Variants in CYP4F22 observed in about 807,000 individuals in gnomAD.
CYP4F22 encodes cytochrome P450 family 4 subfamily F member 22.
CYP4F22 carries 37 observed loss-of-function variants against 60.4 expected under a neutral mutation model. That is an observed-to-expected ratio of 0.61 (90% CI 0.47 to 0.81). The LOEUF (loss-of-function observed/expected upper bound fraction) is 0.81. Ranked by LOEUF, CYP4F22 falls within the 30% of genes least tolerant of loss-of-function variation. The pLI is 0.00. For missense variants in CYP4F22, 655 were observed against 715.0 expected (o/e 0.92, Z 0.96); for synonymous variants, 258 against 280.5 (o/e 0.92, Z 0.80).
At chr19:15,550,805 G>A (rs1971586336) in intron 13 of CYP4F22, 49 bp downstream of exon 13, 4 of 1,603,174 alleles carry the variant, frequency 2.5e-6, no homozygotes, top group Non-Finnish European at 2.6e-6. Context: ...AGGAACAGAG[G>A]CAGGGAAAGA....
chr19:15,515,553 C>A, intron 1 of CYP4F22: 1 of 560,236 alleles, frequency 1.8e-6, no homozygotes, highest in South Asian at 1.5e-5. Context: ...GGTGACACCC[C>A]GTCTCTACTA....
At chr19:15,517,261 G>T (rs886407564) in intron 1 of CYP4F22, among the ~76,000 whole-genome samples, 4 of 152,170 alleles carry the variant, frequency 2.6e-5, no homozygotes, top group Non-Finnish European at 4.4e-5. Context: ...CTTTCATGGT[G>T]GTCTTCCCAT....
Position 15,537,373 on chromosome 19 carries a change from C to T in CYP4F22, c.380C>T (p.Pro127Leu). Residue 127 changes from proline to leucine, a missense_variant, in exon 5 of 14, where the codon CCC becomes CTC. Physicochemically the swap from Pro to Leu is moderately conservative, Grantham distance 98 (BLOSUM62 -3). Around this residue, in one of 3 missense-constraint regions of CYP4F22, gnomAD observed 430 missense variants for 457.1 expected, o/e 0.94. Transcript: ENST00000269703. Reference sequence around the variant, plus strand: ...TTGCCCTCCACAGCTGCCATCGCCCCCAAGGATGACCTCTTCTATGGCTTC... The same window carrying T: ...TTGCCCTCCACAGCTGCCATCGCCCTCAAGGATGACCTCTTCTATGGCTTC... ...PLLGASAAIA[P>L]KDDLFYGFLK... The T allele has an allele frequency of 6.2e-7, 1 of 1,614,156 alleles. No individual in the cohort carries two copies.
At chr19:15,517,914 G>A (rs1199355138) in intron 1 of CYP4F22, among the ~76,000 whole-genome samples, 1 of 152,152 alleles carries the variant, frequency 6.6e-6, no homozygotes, top group African/African-American at 2.4e-5. Context: ...GAGACGGGAA[G>A]TTGCTTGGCC....
At chr19:15,542,491 T>C (rs530671978) in intron 8 of CYP4F22, among the ~76,000 whole-genome samples, 1 of 152,248 alleles carries the variant, frequency 6.6e-6, no homozygotes, top group African/African-American at 2.4e-5. Flanking sequence ...GAGCCAAGAT[T>C]GCGCCACTGC....
intron 1 of CYP4F22, among the ~76,000 whole-genome samples, chr19:15,512,172 T>G (rs908591901): frequency 3.9e-5 from 6 of 152,092 alleles, no homozygotes; most frequent in Non-Finnish European, 7.4e-5. Context: ...CCCAAAAACC[T>G]TAGGGGGTAG....
At chr19:15,528,569 GTCT>G (rs34572753) in intron 3 of CYP4F22, among the ~76,000 whole-genome samples, 71,012 of 151,622 alleles carry the variant, frequency 0.47, 17,573 homozygotes, top group Middle Eastern at 0.57. Flanking sequence ...TTTACTGGTG[GTCT>G]TCTTCCCCTA....
At position 15,524,669 on chromosome 19, in the gene CYP4F22, G is replaced by GGA. The variant is rs35033946; in HGVS notation, c.-1-654_-1-653dup. Among the ~76,000 whole-genome samples, 894 of 120,818 alleles carry GGA rather than the reference G, an allele frequency of 7.4e-3. 8 individuals carry two copies. Among genetic ancestry groups the GGA allele is most frequent in the African/African-American group, 0.024 (829 of 34,232 alleles). The allele number at this position is 120,818 out of a possible 152,430, so 79.3% of individuals were successfully genotyped here. A position where few individuals can be genotyped will look rare whatever the true frequency, so the allele number is the denominator to read the frequency against. Reference sequence around the variant, plus strand: ...CTTTCAAAAAGAAAGAAAGAAAGAAGGAGAGAGAGAGAGAAAGAAAGAAAG... The same window carrying GGA: ...CTTTCAAAAAGAAAGAAAGAAAGAAGGAGAGAGAGAGAGAGAAAGAAAGAAAG... On this transcript the variant is annotated intron_variant, in intron 2 of 13. Coordinates refer to ENST00000269703, the MANE Select transcript of CYP4F22 (RefSeq NM_173483.4).
intron 8 of CYP4F22, 77 bp downstream of exon 8, chr19:15,540,794 T>C: frequency 1.9e-6 from 3 of 1,577,508 alleles, no homozygotes; most frequent in Non-Finnish European, 2.6e-6. Flanking sequence ...ATGATAAGTG[T>C]TAAAACTCCA....
At chr19:15,509,714 T>A (rs967013580) in intron 1 of CYP4F22, among the ~76,000 whole-genome samples, 2 of 152,042 alleles carry the variant, frequency 1.3e-5, no homozygotes, top group Non-Finnish European at 2.9e-5. Flanking sequence ...CTTTCCGATG[T>A]CCCCGGCATC....
intron 1 of CYP4F22, among the ~76,000 whole-genome samples, chr19:15,515,173 G>T (rs1215322793): frequency 6.6e-6 from 1 of 152,146 alleles, no homozygotes; most frequent in Non-Finnish European, 1.5e-5. Context: ...GCACAGTCCA[G>T]CCCGGCCACA....
chr19:15,532,895 C>T (rs1242815544), intron 4 of CYP4F22, among the ~76,000 whole-genome samples: 5 of 152,212 alleles, frequency 3.3e-5, no homozygotes, highest in Non-Finnish European at 5.9e-5. Context: ...AGATAGGGAA[C>T]TCCAGGATGG....
rs1162465828 is a variant in CYP4F22, at chr19:15,548,002, AGTGTGTGTGT to A, written c.1137-67_1137-58del. ...GAGAGAGAGAGAGAGAGAGGGAGAG[AGTGTGTGTGT>A]GTGTGTGTGTGTGTGTGTGTGTGTG... On this transcript the variant is annotated intron_variant, in intron 10 of 13. Transcript: ENST00000269703. 3,031 of 366,778 alleles carry A rather than the reference AGTGTGTGTGT, an allele frequency of 8.3e-3. 71 individuals are homozygous for A. The highest frequency in any genetic ancestry group is 0.013 in the Middle Eastern group (13 of 1,036). 22.7% of individuals were successfully genotyped at this position (366,778 alleles called of 1,614,324 possible).
At chr19:15,515,296 G>A in intron 1 of CYP4F22, 4 of 1,082,326 alleles carry the variant, frequency 3.7e-6, no homozygotes, top group Non-Finnish European at 5.6e-6. Context: ...AATATTTTCA[G>A]TGTATATGTT....
intron 1 of CYP4F22, among the ~76,000 whole-genome samples, chr19:15,509,446 C>T (rs749785034): frequency 1.3e-5 from 2 of 152,202 alleles, no homozygotes; most frequent in Non-Finnish European, 2.9e-5. Context: ...TCCTCCTACC[C>T]TGTGCCCCTT....
At chr19:15,513,367 T>A (rs139134655) in intron 1 of CYP4F22, among the ~76,000 whole-genome samples, 7,064 of 99,870 alleles carry the variant, frequency 0.071, 224 homozygotes, top group South Asian at 0.13. Context: ...ATATATTTTT[T>A]TTTTTTTTTT....
intron 1 of CYP4F22, among the ~76,000 whole-genome samples, chr19:15,518,647 C>CAAAA (rs748509278): frequency 3.8e-4 from 9 of 23,422 alleles, no homozygotes; most frequent in African/African-American, 6.2e-4. Flanking sequence ...GACTTTGTCT[C>CAAAA]AAAAAAAAAA....
chr19:15,540,154 C>G (rs1475350505), intron 7 of CYP4F22, among the ~76,000 whole-genome samples: 3 of 152,068 alleles, frequency 2.0e-5, no homozygotes, highest in African/African-American at 7.2e-5. Flanking sequence ...ATACCCGAGA[C>G]TGGGTGTGGT....
intron 4 of CYP4F22, among the ~76,000 whole-genome samples, chr19:15,536,721 G>A (rs988878186): frequency 3.3e-5 from 5 of 152,186 alleles, no homozygotes; most frequent in Non-Finnish European, 5.9e-5. Flanking sequence ...CACAGCAGGC[G>A]ATGAGAATAG....
Sources: allele counts gnomAD v4.1 joint callset (sites outside exome capture counted in the v4.1 genomes callset), GRCh38; gene constraint gnomAD v4.1.1; regional missense constraint gnomAD v4.1.1; transcripts MANE v1.5; gene names NCBI Gene and HGNC (gene_info 2026-07-23, HGNC 2026-07-21).